Variants in UBE2G1 observed in about 807,000 individuals in gnomAD.
UBE2G1 encodes ubiquitin conjugating enzyme E2 G1.
A neutral mutation model predicts 22.7 loss-of-function variants in UBE2G1; 5 were observed. The ratio of observed to expected loss-of-function variants is 0.22; its 90% CI spans 0.12 to 0.46. UBE2G1 has a LOEUF of 0.46. Among genes scored for constraint, UBE2G1 ranks in the 20% least tolerant of loss-of-function variants. The pLI is 0.99. For synonymous variants in UBE2G1, 74 were observed against 67.5 expected (o/e 1.10, Z -0.47); for missense variants, 88 against 203.9 (o/e 0.43, Z 3.46).
chr17:4,308,533 A>T (rs921865447), intron 1 of UBE2G1, among the ~76,000 whole-genome samples: 3 of 152,186 alleles, frequency 2.0e-5, no homozygotes, highest in Non-Finnish European at 4.4e-5. Context: ...TCAAAAAGAA[A>T]AAAAACACAC....
chr17:4,359,987 T>C (rs1342085688), intron 1 of UBE2G1, among the ~76,000 whole-genome samples: 1 of 152,214 alleles, frequency 6.6e-6, no homozygotes, highest in Non-Finnish European at 1.5e-5. Context: ...AACTACATTT[T>C]ATTCTTTATC....
chr17:4,290,756 T>C (rs1219719066), intron 3 of UBE2G1, among the ~76,000 whole-genome samples: 2 of 144,096 alleles, frequency 1.4e-5, no homozygotes, highest in South Asian at 2.3e-4. Flanking sequence ...GTTGGGACCA[T>C]AGGCACATGG....
chr17:4,363,851 C>T (rs529706816), intron 1 of UBE2G1, among the ~76,000 whole-genome samples: 1 of 146,922 alleles, frequency 6.8e-6, no homozygotes, highest in South Asian at 2.1e-4. Context: ...ACTCGGGAAG[C>T]TCAGGCAGGG....
intron 1 of UBE2G1, among the ~76,000 whole-genome samples, chr17:4,360,939 G>A (rs1011643204): frequency 1.3e-4 from 19 of 151,018 alleles, no homozygotes; most frequent in Admixed American, 2.0e-4. Flanking sequence ...TGCAATAGAC[G>A]GGCTGGGCGC....
intron 5 of UBE2G1, among the ~76,000 whole-genome samples, chr17:4,281,237 A>G (rs1195319370): frequency 6.6e-6 from 1 of 152,226 alleles, no homozygotes; most frequent in Non-Finnish European, 1.5e-5. Flanking sequence ...CCTATTTGCA[A>G]CACAGATCAA....
chr17:4,270,058 A>C lies in UBE2G1; in HGVS notation c.*2496T>G, dbSNP rs1968735244. ...TCTATGTAGGCCTGTTTCAGTATGT[A>C]ACACACTCAGGGCAGGTGGAAAAGC... On this transcript the variant is annotated 3_prime_UTR_variant, in exon 6 of 6. Coordinates refer to ENST00000396981, the MANE Select transcript of UBE2G1 (RefSeq NM_003342.5). The C allele has an allele frequency of 6.6e-6, 1 of 152,608 alleles. No individual in the cohort carries two copies. Among genetic ancestry groups the C allele is most frequent in the Admixed American group, 6.5e-5 (1 of 15,272 alleles). The allele number at this position is 152,608 out of a possible 1,614,324, so 9.5% of individuals were successfully genotyped here. A position where few individuals can be genotyped will look rare whatever the true frequency, so the allele number is the denominator to read the frequency against.
chr17:4,362,758 CGCAGGGGGCA>C (rs1172340747), intron 1 of UBE2G1, among the ~76,000 whole-genome samples: 1 of 151,790 alleles, frequency 6.6e-6, no homozygotes, highest in African/African-American at 2.4e-5. Flanking sequence ...TACTGGGGGC[CGCAGGGGGCA>C]GCAGAATCGC....
At chr17:4,336,122 G>A (rs1323792362) in intron 1 of UBE2G1, among the ~76,000 whole-genome samples, 1 of 152,124 alleles carries the variant, frequency 6.6e-6, no homozygotes, top group Non-Finnish European at 1.5e-5. Context: ...ACTCCAGCCT[G>A]GGCGACAGAG....
rs189822154 is a variant in UBE2G1, at chr17:4,301,347, A to G, written c.150-4533T>C. ...TGCCTCTCAGCCTCCCACGGGCGCA[A>G]TGGAGGAGAAGGATGAGAAAGCATG... is the stretch of plus-strand genomic sequence containing the variant. On this transcript the variant is annotated intron_variant, in intron 2 of 5. Transcript: ENST00000396981. The G allele has an allele frequency of 5.6e-4, 271 of 483,796 alleles. 3 individuals carry two copies. Among genetic ancestry groups the G allele is most frequent in the African/African-American group, 4.8e-3 (244 of 50,634 alleles). 30.0% of individuals were successfully genotyped at this position (483,796 alleles called of 1,614,324 possible).
chr17:4,338,480 T>A (rs1372424062), intron 1 of UBE2G1, among the ~76,000 whole-genome samples: 6 of 152,124 alleles, frequency 3.9e-5, no homozygotes, highest in Non-Finnish European at 8.8e-5. Context: ...AGCTCCCCCC[T>A]CAACTCCAAA....
In UBE2G1 at chr17:4,272,529, AAAC is replaced by A. The variant is rs1285685868; in HGVS notation, c.*38-16_*38-14del. The A allele has an allele frequency of 3.7e-5, 7 of 186,670 alleles. No homozygotes were observed. The highest frequency in any genetic ancestry group is 9.6e-5 in the African/African-American group (4 of 41,574). The allele number at this position is 186,670 out of a possible 1,614,324, so 11.6% of individuals were successfully genotyped here. Reference sequence around the variant, plus strand: ...CTCAATTGGAGACCTACAACAACAAAAACAACATTATATAGTCAATTCATCAAT... The same window carrying A: ...CTCAATTGGAGACCTACAACAACAAAAACATTATATAGTCAATTCATCAAT... On this transcript the variant is annotated splice_polypyrimidine_tract_variant and intron_variant, in intron 5 of 5. Transcript: ENST00000396981.
chr17:4,300,128 G>A (rs973801372), intron 2 of UBE2G1, among the ~76,000 whole-genome samples: 5 of 150,526 alleles, frequency 3.3e-5, no homozygotes, highest in African/African-American at 4.9e-5. Context: ...CCCAACTTGT[G>A]CGTGCAAACT....
chr17:4,295,557 C>T (rs1339628144), intron 3 of UBE2G1, among the ~76,000 whole-genome samples: 1 of 152,124 alleles, frequency 6.6e-6, no homozygotes, highest in African/African-American at 2.4e-5. Context: ...TGTTTCTATT[C>T]CCTGCACCCA....
chr17:4,287,383 T>C (rs902043192), intron 4 of UBE2G1, among the ~76,000 whole-genome samples: 1 of 151,904 alleles, frequency 6.6e-6, no homozygotes, highest in African/African-American at 2.4e-5. Context: ...ATTACAGGTG[T>C]GAGCCACCAC....
At chr17:4,327,582 G>A (rs148438797) in intron 1 of UBE2G1, among the ~76,000 whole-genome samples, 62 of 152,234 alleles carry the variant, frequency 4.1e-4, no homozygotes, top group Admixed American at 9.8e-4. Flanking sequence ...AGGAGTTACC[G>A]GTTTGTGTGT....
intron 4 of UBE2G1, among the ~76,000 whole-genome samples, chr17:4,287,471 T>C (rs1317733406): frequency 6.6e-6 from 1 of 152,182 alleles, no homozygotes; most frequent in East Asian, 1.9e-4. Context: ...CAGGTCTCTC[T>C]CAAAATGATT....
chr17:4,349,327 AT>A (rs1341160108), intron 1 of UBE2G1, among the ~76,000 whole-genome samples: 4 of 152,148 alleles, frequency 2.6e-5, no homozygotes, highest in African/African-American at 9.7e-5. Context: ...GACACCATAT[AT>A]GTTTTTCTTT....
chr17:4,285,950 T>TAA (rs530717927), intron 4 of UBE2G1, among the ~76,000 whole-genome samples: 3 of 130,496 alleles, frequency 2.3e-5, no homozygotes, highest in Non-Finnish European at 3.3e-5. Context: ...ACTACATCTT[T>TAA]AAAAAAAAAA....
chr17:4,358,036 T>C (rs1031886051), intron 1 of UBE2G1, among the ~76,000 whole-genome samples: 3 of 152,042 alleles, frequency 2.0e-5, no homozygotes, highest in Admixed American at 6.6e-5. Flanking sequence ...CTATCTATAG[T>C]GGATATACAA....
Sources: gnomAD v4.1 joint callset for allele counts (sites outside exome capture counted in the v4.1 genomes callset) on GRCh38, gnomAD v4.1.1 for gene constraint, MANE v1.5 for transcripts, NCBI Gene and HGNC (gene_info 2026-07-23, HGNC 2026-07-21) for gene names.